The following HDHD2 variants were observed in gnomAD, a reference collection of about 807,000 sequenced individuals.
HDHD2 encodes haloacid dehalogenase-like hydrolase domain-containing protein 2.
HDHD2 carries 26 observed loss-of-function variants against 24.8 expected under a neutral mutation model. That is an observed-to-expected ratio of 1.05 (90% CI 0.77 to 1.45). HDHD2 has a LOEUF of 1.45. Ranked by LOEUF, HDHD2 falls within the 40% of genes most tolerant of loss-of-function variation. HDHD2 has a pLI of 0.00. For synonymous variants in HDHD2, 128 were observed against 114.9 expected (o/e 1.11, Z -0.73); for missense variants, 299 against 313.4 (o/e 0.95, Z 0.35).
intron 1 of HDHD2, among the ~76,000 whole-genome samples, chr18:47,141,879 C>T (rs138601182): frequency 1.2e-4 from 19 of 152,286 alleles, no homozygotes; most frequent in Non-Finnish European, 1.3e-4. Context: ...TCCCACGTGT[C>T]GTGGGAGGGA....
Position 47,107,920 on chromosome 18 carries a change from C to T in HDHD2, c.*762G>A, listed in dbSNP as rs11872350. 4,026 of 152,614 alleles carry T rather than the reference C, an allele frequency of 0.026. 62 individuals are homozygous for T. Among genetic ancestry groups the T allele is most frequent in the Non-Finnish European group, 0.041 (2,763 of 68,002 alleles). 9.5% of individuals were successfully genotyped at this position (152,614 alleles called of 1,614,324 possible). ...GCACTGTTCCTGTTAATAACAATGTCTAATTAAAACATCTGTAAAATACTG... is the reference window on the plus strand; with the variant it reads ...GCACTGTTCCTGTTAATAACAATGTTTAATTAAAACATCTGTAAAATACTG... On this transcript the variant is annotated 3_prime_UTR_variant, in exon 7 of 7. Transcript: ENST00000300605.
At chr18:47,141,719 T>C (rs1347694781) in intron 1 of HDHD2, among the ~76,000 whole-genome samples, 3 of 152,232 alleles carry the variant, frequency 2.0e-5, no homozygotes, top group Non-Finnish European at 4.4e-5. Context: ...GCCTCCATCC[T>C]TTTGTTTTTT....
intron 1 of HDHD2, among the ~76,000 whole-genome samples, chr18:47,144,833 GA>G (rs922590043): frequency 1.4e-5 from 2 of 143,812 alleles, no homozygotes; most frequent in Admixed American, 6.9e-5. Flanking sequence ...AAGAAAAAAA[GA>G]AAAAAAAACA....
chr18:47,134,678 C>G lies in HDHD2; in HGVS notation c.128G>C (p.Arg43Thr). Residue 43 changes from arginine to threonine, a missense_variant, in exon 3 of 7, where the codon AGG becomes ACG. Physicochemically the swap from Arg to Thr is moderately conservative, Grantham distance 71. Transcript: ENST00000300605. ...CTCTTTGGTTGTATTGGTCACAAAC[C>G]TAATGATTACAGAAGCACCACGTAA... The part of the protein sequence containing the change: ...KRLRGASVII[R>T]FVTNTTKESK... The G allele has an allele frequency of 1.2e-6, 2 of 1,614,080 alleles. No homozygotes were observed. The highest frequency in any genetic ancestry group is 1.7e-6 in the Non-Finnish European group (2 of 1,179,966).
intron 2 of HDHD2, among the ~76,000 whole-genome samples, chr18:47,135,543 G>A (rs973404986): frequency 3.9e-5 from 6 of 152,162 alleles, no homozygotes; most frequent in African/African-American, 1.2e-4. Context: ...TTACAGGCGT[G>A]AGCCACCGCG....
rs2063491697 is a variant in HDHD2 at position 47,108,624 on chromosome 18, G to T, written c.*58C>A. 2.2e-6 allele frequency: 2 copies of T among 905,542 alleles called. No individual in the cohort carries two copies. Among genetic ancestry groups the T allele is most frequent in the South Asian group, 1.5e-5 (1 of 66,820 alleles). The allele number at this position is 905,542 out of a possible 1,614,324, so 56.1% of individuals were successfully genotyped here. On this transcript the variant is annotated 3_prime_UTR_variant, in exon 7 of 7. Transcript: ENST00000300605. ...CGATGCTGGCACTGAGTTGGTAAGGGATTCATTCCAGACAATAAGAAGCTG... is the reference window on the plus strand; with the variant it reads ...CGATGCTGGCACTGAGTTGGTAAGGTATTCATTCCAGACAATAAGAAGCTG...
intron 1 of HDHD2, among the ~76,000 whole-genome samples, chr18:47,136,801 T>C (rs1311069981): frequency 1.3e-5 from 2 of 152,168 alleles, no homozygotes. Flanking sequence ...CTCCAAAGAA[T>C]GGGTGGATGA....
At chr18:47,111,491 T>C (rs1405866534) in intron 6 of HDHD2, 2 of 985,190 alleles carry the variant, frequency 2.0e-6, no homozygotes, top group African/African-American at 3.5e-5. Flanking sequence ...GGCAGGAATC[T>C]GAAAACAAAG....
intron 4 of HDHD2, among the ~76,000 whole-genome samples, chr18:47,126,441 G>A (rs2144325322): frequency 6.6e-6 from 1 of 151,980 alleles, no homozygotes; most frequent in African/African-American, 2.4e-5. Context: ...CAATCCAACA[G>A]TCAACAAAGA....
intron 4 of HDHD2, among the ~76,000 whole-genome samples, chr18:47,115,992 G>C (rs1332371760): frequency 6.6e-6 from 1 of 152,090 alleles, no homozygotes; most frequent in East Asian, 1.9e-4. Context: ...CCTTTGTCCT[G>C]ATACAGGACG....
chr18:47,111,192 T>G, intron 6 of HDHD2: 5 of 985,276 alleles, frequency 5.1e-6, no homozygotes, highest in Non-Finnish European at 6.0e-6. Context: ...CTTGATTGTG[T>G]TACGCTGATG....
intron 1 of HDHD2, 71 bp from the exon 2 acceptor site, chr18:47,136,520 C>G (rs2063767749): frequency 8.1e-7 from 1 of 1,231,378 alleles, no homozygotes; most frequent in African/African-American, 1.5e-5. Flanking sequence ...GGTAAGTATT[C>G]AAAAATATCA....
At chr18:47,141,735 C>T (rs1227079000) in intron 1 of HDHD2, among the ~76,000 whole-genome samples, 2 of 152,166 alleles carry the variant, frequency 1.3e-5, no homozygotes, top group African/African-American at 2.4e-5. Context: ...TTTTTGAGCA[C>T]TTCTTTGCTT....
At chr18:47,110,854 G>A in intron 6 of HDHD2, 1 of 985,004 alleles carries the variant, frequency 1.0e-6, no homozygotes, top group Non-Finnish European at 1.2e-6. Context: ...TTCTGGTTAG[G>A]ACTAGTCAAA....
rs181063777 is a variant in HDHD2, at chr18:47,123,698, C to G, written c.395+6546G>C. The stretch of plus-strand genomic sequence containing the variant: ...TCTAAAAACTATAAAACACTGATGA[C>G]AGCAAATGTAAAAAAACAAAAACGA... On this transcript the variant is annotated intron_variant, in intron 4 of 6. Coordinates refer to ENST00000300605, the MANE Select transcript of HDHD2 (RefSeq NM_032124.5). 6.6e-5 allele frequency among the ~76,000 whole-genome samples: 10 copies of G among 151,994 alleles called. No individual in the cohort carries two copies. The East Asian group carries it at 1.7e-3, about 26-fold the overall frequency.
intron 4 of HDHD2, among the ~76,000 whole-genome samples, chr18:47,116,111 C>T (rs1427977316): frequency 6.6e-6 from 1 of 152,154 alleles, no homozygotes; most frequent in Non-Finnish European, 1.5e-5. Flanking sequence ...GGCAAAACAA[C>T]AAGTCAAAAA....
At chr18:47,109,957 G>A (rs773868184) in intron 6 of HDHD2, 13 of 984,566 alleles carry the variant, frequency 1.3e-5, no homozygotes, top group Non-Finnish European at 1.6e-5. Flanking sequence ...TTTAAAGAAT[G>A]AATGGAGGGA....
At chr18:47,137,492 T>G (rs1192587462) in intron 1 of HDHD2, among the ~76,000 whole-genome samples, 1 of 152,236 alleles carries the variant, frequency 6.6e-6, no homozygotes, top group African/African-American at 2.4e-5. Flanking sequence ...TATTTCATTT[T>G]TTTAACTAAA....
chr18:47,116,482 A>G (rs533915471), intron 4 of HDHD2, among the ~76,000 whole-genome samples: 10 of 152,350 alleles, frequency 6.6e-5, no homozygotes, highest in African/African-American at 2.4e-4. Context: ...GAATTCAGAC[A>G]TTTATGATTA....
Sources: gnomAD v4.1 joint callset for allele counts (sites outside exome capture counted in the v4.1 genomes callset) on GRCh38, gnomAD v4.1.1 for gene constraint, MANE v1.5 for transcripts, NCBI Gene and HGNC (gene_info 2026-07-23, HGNC 2026-07-21) for gene names.